TRHDE: variants seen among roughly 807,000 people sequenced by gnomAD.
TRHDE encodes thyrotropin-releasing hormone-degrading ectoenzyme.
A neutral mutation model predicts 125.7 loss-of-function variants in TRHDE; 72 were observed. The observed-to-expected ratio is 0.57, with a 90% CI of 0.47 to 0.70. The LOEUF (loss-of-function observed/expected upper bound fraction) is 0.70. Among genes scored for constraint, TRHDE ranks in the 30% least tolerant of loss-of-function variants. TRHDE has a pLI of 0.00. For missense variants in TRHDE, 1,110 were observed against 1,327.1 expected, an observed-to-expected ratio of 0.84 and a Z score of 2.54; for synonymous variants, 509 against 509.1, an observed-to-expected ratio of 1.00 and a Z score of 0.00.
At position 72,202,253 on chromosome 12, in the gene TRHDE, G is replaced by A. The variant is rs76971836; in HGVS notation, n.279+96501G>A. Reference sequence around the variant, plus strand: ...CTTGTCCTCTGGTTTCCTGTTTCTGGCCAGTGGGGAGCCTTGACAGGAGAT... The same window carrying A: ...CTTGTCCTCTGGTTTCCTGTTTCTGACCAGTGGGGAGCCTTGACAGGAGAT... On this transcript the variant is annotated intron_variant and non_coding_transcript_variant, in intron 2 of 4. Coordinates refer to the TRHDE transcript ENST00000548156. Among the ~76,000 whole-genome samples, 648 of 152,246 alleles carry A rather than the reference G, an allele frequency of 4.3e-3. 3 individuals are homozygous for A. The highest frequency in any genetic ancestry group is 9.8e-3 in the Admixed American group (150 of 15,296).
chr12:72,128,817 G>A (rs182983064), intron 2 of TRHDE, among the ~76,000 whole-genome samples: 4 of 152,260 alleles, frequency 2.6e-5, no homozygotes, highest in Admixed American at 2.6e-4. Context: ...TAATATACAT[G>A]TAATTCGGGT....
At chr12:72,522,346 A>G (rs1277344916) in intron 6 of TRHDE, among the ~76,000 whole-genome samples, 1 of 152,136 alleles carries the variant, frequency 6.6e-6, no homozygotes, top group Non-Finnish European at 1.5e-5. Flanking sequence ...TGTCCTTTTA[A>G]ATTAAAGTTT....
At chr12:72,644,221 C>T (rs1874184969) in intron 15 of TRHDE, among the ~76,000 whole-genome samples, 2 of 152,168 alleles carry the variant, frequency 1.3e-5, no homozygotes, top group Non-Finnish European at 2.9e-5. Context: ...TTATCAGAAT[C>T]TCTACTCCCT....
intron 1 of TRHDE, among the ~76,000 whole-genome samples, chr12:72,098,286 C>T (rs1566212962): frequency 6.6e-6 from 1 of 152,134 alleles, no homozygotes; most frequent in East Asian, 1.9e-4. Context: ...AGGAATAATA[C>T]AGAGAGAGCT....
chr12:72,577,573 G>T (rs535270081), intron 12 of TRHDE, among the ~76,000 whole-genome samples: 15 of 152,244 alleles, frequency 9.9e-5, no homozygotes, highest in Admixed American at 4.6e-4. Flanking sequence ...AATCGTTACG[G>T]GTTTGAAATG....
At chr12:72,274,310 A>G (rs1410603430) in intron 1 of TRHDE, among the ~76,000 whole-genome samples, 2 of 152,178 alleles carry the variant, frequency 1.3e-5, no homozygotes, top group Non-Finnish European at 2.9e-5. Context: ...AAGCGGTGGG[A>G]AAGCTAGTTG....
intron 2 of TRHDE, among the ~76,000 whole-genome samples, chr12:72,323,015 C>G (rs1869169489): frequency 6.6e-6 from 1 of 151,926 alleles, no homozygotes. Flanking sequence ...ACAAGTAGAG[C>G]GAAGATTTCC....
chr12:72,115,274 T>C lies in TRHDE; in HGVS notation n.279+9522T>C, dbSNP rs369229724. ...TCTATCTCCATGAGTTCAATTGTTTTAATTTTTAGCTTCCGCATGTGAAGT... is the reference window on the plus strand; with the variant it reads ...TCTATCTCCATGAGTTCAATTGTTTCAATTTTTAGCTTCCGCATGTGAAGT... On this transcript the variant is annotated intron_variant and non_coding_transcript_variant, in intron 2 of 4. Transcript: ENST00000548156. 1.7e-4 allele frequency among the ~76,000 whole-genome samples: 23 copies of C among 135,504 alleles called. No individual in the cohort carries two copies. In the East Asian group the frequency reaches 3.6e-3, roughly 21 times the overall value. 88.9% of individuals were successfully genotyped at this position (135,504 alleles called of 152,430 possible). A position where few individuals can be genotyped will look rare whatever the true frequency, so the allele number is the denominator to read the frequency against.
intron 3 of TRHDE, among the ~76,000 whole-genome samples, chr12:72,400,739 A>C (rs375610719): frequency 7.7e-4 from 117 of 152,266 alleles, no homozygotes; most frequent in African/African-American, 2.6e-3. Context: ...GTTGTATACT[A>C]TTCAGTCTTA....
intron 1 of TRHDE, among the ~76,000 whole-genome samples, chr12:72,277,297 T>A (rs1013737856): frequency 3.3e-5 from 5 of 152,182 alleles, no homozygotes; most frequent in Admixed American, 3.3e-4. Context: ...AGGCATTTGC[T>A]CTACTGTGGT....
At chr12:72,174,711 A>G (rs1876950552) in intron 2 of TRHDE, among the ~76,000 whole-genome samples, 1 of 152,198 alleles carries the variant, frequency 6.6e-6, no homozygotes, top group Non-Finnish European at 1.5e-5. Flanking sequence ...TTTTTCTGTA[A>G]GAATACTACA....
chr12:72,589,288 G>A (rs560985402), intron 12 of TRHDE, among the ~76,000 whole-genome samples: 12 of 152,244 alleles, frequency 7.9e-5, no homozygotes, highest in African/African-American at 2.9e-4. Context: ...CAATGATGTT[G>A]AGACTCTTTT....
At chr12:72,352,188 ATGAT>A in intron 2 of TRHDE, among the ~76,000 whole-genome samples, 1 of 151,882 alleles carries the variant, frequency 6.6e-6, no homozygotes, top group East Asian at 1.9e-4. Flanking sequence ...CTTAAATTGA[ATGAT>A]TGACTGAGTG....
rs1592605479 is a variant in TRHDE at position 72,670,017 on chromosome 12, G to A, written c.*6822G>A. 1 of 151,732 alleles carries A rather than the reference G, an allele frequency of 6.6e-6. No individual in the cohort carries two copies. 9.4% of individuals were successfully genotyped at this position (151,732 alleles called of 1,614,324 possible). ...TTGAGCTTTCATAATTGGCTTTCTG[G>A]ACACCACTGAGTTTATTAGATAATC... is the stretch of plus-strand genomic sequence containing the variant. On this transcript the variant is annotated 3_prime_UTR_variant, in exon 19 of 19. Transcript: ENST00000261180.
chr12:72,622,784 G>A (rs10879468), intron 15 of TRHDE, among the ~76,000 whole-genome samples: 29,298 of 151,880 alleles, frequency 0.19, 5,934 homozygotes, highest in African/African-American at 0.52. Flanking sequence ...TATTCTGTTC[G>A]AAAGGTCTCT....
rs577198913 is a variant in TRHDE, at chr12:72,355,331, T to C, written c.1189-22664T>C. ...AAGGTGTTCAAGATTAAACAAAGAG[T>C]GCATGCATAGCTGGTTAGACTTACC... is the stretch of plus-strand genomic sequence containing the variant. On this transcript the variant is annotated intron_variant, in intron 2 of 18. Coordinates refer to ENST00000261180, the MANE Select transcript of TRHDE (RefSeq NM_013381.3). Among the ~76,000 whole-genome samples the C allele has an allele frequency of 2.0e-5, 3 of 151,522 alleles. No homozygotes were observed. The East Asian group carries it at 5.8e-4, about 30-fold the overall frequency.
chr12:72,111,587 T>C (rs1875316432), intron 2 of TRHDE, among the ~76,000 whole-genome samples: 1 of 152,176 alleles, frequency 6.6e-6, no homozygotes, highest in South Asian at 2.1e-4. Flanking sequence ...GCACTTTTAA[T>C]TGAAGTAATT....
At chr12:72,563,213 A>C (rs1215365754) in intron 9 of TRHDE, among the ~76,000 whole-genome samples, 173 bp downstream of exon 9, 1 of 152,148 alleles carries the variant, frequency 6.6e-6, no homozygotes, top group Non-Finnish European at 1.5e-5. Context: ...TTTCCTGGAT[A>C]TCTGAACCTT....
chr12:72,636,700 G>C (rs375782549), intron 15 of TRHDE, among the ~76,000 whole-genome samples: 10 of 152,334 alleles, frequency 6.6e-5, no homozygotes, highest in Non-Finnish European at 1.3e-4. Flanking sequence ...TTTATTGAAA[G>C]TTTTTAGCAT....
Sources: gnomAD v4.1 joint callset for allele counts (sites outside exome capture counted in the v4.1 genomes callset) on GRCh38, gnomAD v4.1.1 for gene constraint, MANE v1.5 for transcripts, NCBI Gene and HGNC (gene_info 2026-07-23, HGNC 2026-07-21) for gene names.